The following ACSM3 variants were observed in gnomAD, a reference collection of about 807,000 sequenced individuals.
The protein encoded by ACSM3 is acyl-coenzyme A synthetase ACSM3, mitochondrial.
In ACSM3, 61 loss-of-function variants were observed where a neutral mutation model predicts 74.1. That is an observed-to-expected ratio of 0.82 (90% CI 0.67 to 1.02). ACSM3 has a LOEUF of 1.02. ACSM3 is among the 50% of genes least tolerant of loss of function. The probability of loss-of-function intolerance (pLI) is 0.00; values close to 1 mark genes in which losing one functional copy is unlikely to be tolerated. For synonymous variants in ACSM3, 213 were observed against 241.5 expected (o/e 0.88, Z 1.09); for missense variants, 660 against 697.0 (o/e 0.95, Z 0.60).
chr16:20,688,970 CAT>C (rs1413482100), intron 1 of ACSM3, among the ~76,000 whole-genome samples: 3 of 147,908 alleles, frequency 2.0e-5, no homozygotes, highest in Admixed American at 1.4e-4. Context: ...AACTTATTAA[CAT>C]ATATTTAATA....
Position 20,776,190 on chromosome 16 carries a change from C to T in ACSM3, c.430+141C>T, listed in dbSNP as rs180032. ...CCTTTAAATTATATAAAAGTTAGGCCGTGGTAGGCTAATTCCTTATCCCTA... is the reference window on the plus strand; with the variant it reads ...CCTTTAAATTATATAAAAGTTAGGCTGTGGTAGGCTAATTCCTTATCCCTA... On this transcript the variant is annotated intron_variant, in intron 3 of 13. Transcript: ENST00000289416. 1.2e-3 allele frequency: 1,068 copies of T among 864,342 alleles called. 7 individuals carry two copies. The highest frequency in any genetic ancestry group is 8.2e-3 in the East Asian group (308 of 37,646). 53.5% of individuals were successfully genotyped at this position (864,342 alleles called of 1,614,324 possible).
At chr16:20,729,193 A>AC in intron 1 of ACSM3, 1 of 727,452 alleles carries the variant, frequency 1.4e-6, no homozygotes, top group Non-Finnish European at 2.5e-6. Context: ...TTCTGTTCTG[A>AC]CCAAACTAAT....
intron 2 of ACSM3, among the ~76,000 whole-genome samples, chr16:20,772,591 C>T (rs2080206068): frequency 6.6e-6 from 1 of 152,028 alleles, no homozygotes; most frequent in Non-Finnish European, 1.5e-5. Flanking sequence ...TACCACTTTT[C>T]CTCGGACCAT....
chr16:20,738,826 G>A, intron 1 of ACSM3: 1 of 1,536,128 alleles, frequency 6.5e-7, no homozygotes, highest in South Asian at 1.2e-5. Flanking sequence ...CATTTTGTAA[G>A]CAGTATTCCC....
chr16:20,745,732 G>C (rs575618381), intron 1 of ACSM3, among the ~76,000 whole-genome samples: 1 of 152,186 alleles, frequency 6.6e-6, no homozygotes, highest in Admixed American at 6.5e-5. Context: ...GCCAAGCAAG[G>C]GGGGAATGGT....
intron 1 of ACSM3, among the ~76,000 whole-genome samples, chr16:20,684,685 C>T (rs752413176): frequency 1.4e-4 from 21 of 152,086 alleles, no homozygotes; most frequent in Admixed American, 2.6e-4. Flanking sequence ...TGAGTGTTTA[C>T]CTGGTGTTCA....
rs914293444 is a variant in ACSM3 at position 20,775,967 on chromosome 16, C to T, written c.348C>T (p.Ser116=). Residue 116 remains serine, a synonymous_variant, in exon 3 of 14, where the codon TCC becomes TCT. Transcript: ENST00000289416. ...KFANILSEAC[S]LQRGDRVILI... ...CCAATATACTTTCAGAAGCCTGTTC[C>T]CTACAAAGAGGAGATCGGGTAATTC... The T allele has an allele frequency of 1.2e-6, 2 of 1,614,130 alleles. No individual in the cohort carries two copies. Among genetic ancestry groups the T allele is most frequent in the African/African-American group, 1.3e-5 (1 of 75,016 alleles).
chr16:20,797,018 G>T lies in ACSM3; in HGVS notation c.*46G>T. ...TATCTATAAAACAAACATAGTATCT[G>T]TCAATCTCTAGAAACCACAAGATGA... On this transcript the variant is annotated 3_prime_UTR_variant, in exon 14 of 14. Transcript: ENST00000289416. 6.3e-7 allele frequency: 1 copy of T among 1,594,100 alleles called. No homozygotes were observed. The highest frequency in any genetic ancestry group is 8.5e-7 in the Non-Finnish European group (1 of 1,173,060).
intron 1 of ACSM3, among the ~76,000 whole-genome samples, chr16:20,700,089 C>T (rs2079709126): frequency 6.6e-6 from 1 of 152,160 alleles, no homozygotes; most frequent in Non-Finnish European, 1.5e-5. Context: ...GAGATAGTGA[C>T]ATCGTAAAAT....
chr16:20,741,827 A>T, intron 1 of ACSM3: 1 of 1,540,066 alleles, frequency 6.5e-7, no homozygotes, highest in Non-Finnish European at 8.7e-7. Flanking sequence ...GTGACGTCGG[A>T]TATGAGCGAC....
At chr16:20,708,841 G>A (rs1187620230) in intron 1 of ACSM3, among the ~76,000 whole-genome samples, 1 of 152,134 alleles carries the variant, frequency 6.6e-6, no homozygotes, top group Admixed American at 6.6e-5. Flanking sequence ...AAAAGCTGGA[G>A]GCATCACACT....
chr16:20,751,373 A>G (rs1443936330), intron 2 of ACSM3, among the ~76,000 whole-genome samples: 6 of 152,224 alleles, frequency 3.9e-5, no homozygotes, highest in Non-Finnish European at 7.3e-5. Context: ...AGAACTATTT[A>G]TAAAAATGTT....
intron 2 of ACSM3, among the ~76,000 whole-genome samples, chr16:20,773,410 G>A (rs2080217535): frequency 2.0e-5 from 3 of 151,812 alleles, no homozygotes; most frequent in African/African-American, 4.8e-5. Flanking sequence ...GATTTAGTTT[G>A]TTCTTGCTTT....
intron 1 of ACSM3, among the ~76,000 whole-genome samples, chr16:20,765,432 C>T (rs1388440206): frequency 6.6e-6 from 1 of 152,066 alleles, no homozygotes. Context: ...AATGACTGAT[C>T]AATTTTCTTT....
intron 1 of ACSM3, chr16:20,739,150 C>A: frequency 7.0e-7 from 1 of 1,432,562 alleles, no homozygotes; most frequent in Non-Finnish European, 9.5e-7. Flanking sequence ...TATGTGAAGT[C>A]CCTGGCGGCA....
intron 1 of ACSM3, chr16:20,741,481 G>GGGGGGGGGGGGGGCCCCCCCCCCCCCC: frequency 7.6e-7 from 1 of 1,308,414 alleles, no homozygotes; most frequent in Non-Finnish European, 9.9e-7. Context: ...CTGGCAGCCG[G>GGGGGGGGGGGGGGCCCCCCCCCCCCCC]CCCGCCCGCC....
At chr16:20,717,643 T>C (rs983172600) in intron 1 of ACSM3, among the ~76,000 whole-genome samples, 6 of 152,098 alleles carry the variant, frequency 3.9e-5, no homozygotes, top group Admixed American at 3.3e-4. Flanking sequence ...CCTGAAACAT[T>C]AACAGCAATT....
intron 1 of ACSM3, chr16:20,721,938 A>T (rs1033966136): frequency 6.6e-6 from 1 of 152,206 alleles, no homozygotes; most frequent in Non-Finnish European, 1.5e-5. Context: ...ATATTTGAAA[A>T]AGTGATTGAT....
chr16:20,785,457 T>G (rs1439417793), intron 8 of ACSM3, among the ~76,000 whole-genome samples: 2 of 152,196 alleles, frequency 1.3e-5, no homozygotes, highest in African/African-American at 4.8e-5. Context: ...GCTGAGATCC[T>G]TGCTGCCTGA....
Sources: gnomAD v4.1 joint callset for allele counts (sites outside exome capture counted in the v4.1 genomes callset) on GRCh38, gnomAD v4.1.1 for gene constraint, MANE v1.5 for transcripts, NCBI Gene and HGNC (gene_info 2026-07-23, HGNC 2026-07-21) for gene names.